AUH: variants seen among roughly 807,000 people sequenced by gnomAD.
AUH encodes the protein methylglutaconyl-CoA hydratase, mitochondrial.
A neutral mutation model predicts 42.3 loss-of-function variants in AUH; 29 were observed. The ratio of observed to expected loss-of-function variants is 0.69; its 90% CI spans 0.51 to 0.93. The LOEUF is 0.93. AUH is among the 40% of genes least tolerant of loss of function. The pLI, the probability that AUH is intolerant of heterozygous loss-of-function variation, is 0.00. For missense variants in AUH, 452 were observed against 438.1 expected, an observed-to-expected ratio of 1.03 and a Z score of -0.28; for synonymous variants, 174 against 166.4, an observed-to-expected ratio of 1.05 and a Z score of -0.35.
intron 3 of AUH, among the ~76,000 whole-genome samples, chr9:91,341,141 T>G (rs1831070109): frequency 6.6e-6 from 1 of 152,178 alleles, no homozygotes. Context: ...TAGAGCTGAA[T>G]TCCACTCCCC....
At chr9:91,271,942 A>G (rs1825167779) in intron 6 of AUH, among the ~76,000 whole-genome samples, 1 of 152,214 alleles carries the variant, frequency 6.6e-6, no homozygotes, top group African/African-American at 2.4e-5. Context: ...TCGGCCTCCC[A>G]AAGTGCTGGG....
At chr9:91,355,431 C>A (rs147502264) in intron 3 of AUH, among the ~76,000 whole-genome samples, 1 of 152,206 alleles carries the variant, frequency 6.6e-6, no homozygotes, top group Non-Finnish European at 1.5e-5. Context: ...GTGGCAGGCG[C>A]CTGTAATCCC....
At chr9:91,228,024 T>G (rs1827623536) in intron 6 of AUH, among the ~76,000 whole-genome samples, 1 of 152,344 alleles carries the variant, frequency 6.6e-6, no homozygotes, top group South Asian at 2.1e-4. Flanking sequence ...CTTTTTTGGT[T>G]GTGTGTCTGC....
At chr9:91,227,662 CCATT>C (rs1827592476) in intron 6 of AUH, among the ~76,000 whole-genome samples, 1 of 142,270 alleles carries the variant, frequency 7.0e-6, no homozygotes, top group Non-Finnish European at 1.5e-5. Context: ...CAGTTTTTGC[CCATT>C]CAGTATGATA....
intron 6 of AUH, among the ~76,000 whole-genome samples, chr9:91,274,722 AGAT>A (rs1564055517): frequency 6.6e-6 from 1 of 152,232 alleles, no homozygotes; most frequent in Non-Finnish European, 1.5e-5. Flanking sequence ...AGTGAACTTC[AGAT>A]AAGGAAGATA....
At chr9:91,326,282 T>A (rs1389579501) in intron 3 of AUH, among the ~76,000 whole-genome samples, 2 of 152,092 alleles carry the variant, frequency 1.3e-5, no homozygotes, top group African/African-American at 4.8e-5. Context: ...CTCACACACT[T>A]CCAGGGGAGT....
chr9:91,259,202 C>G (rs1452958665), intron 6 of AUH, among the ~76,000 whole-genome samples: 1 of 152,168 alleles, frequency 6.6e-6, no homozygotes, highest in African/African-American at 2.4e-5. Flanking sequence ...TAAAAAAGTA[C>G]AGAAGTATTC....
chr9:91,217,012 G>A (rs1377224973), intron 8 of AUH, among the ~76,000 whole-genome samples: 1 of 152,180 alleles, frequency 6.6e-6, no homozygotes, highest in African/African-American at 2.4e-5. Context: ...CTGTTAACTG[G>A]ATGGCAAGAA....
chr9:91,252,180 T>C (rs1038166707), intron 6 of AUH, among the ~76,000 whole-genome samples: 5 of 152,064 alleles, frequency 3.3e-5, no homozygotes, highest in African/African-American at 1.2e-4. Context: ...TTGGCCAGGA[T>C]GGTCTAGATC....
At chr9:91,313,026 G>A (rs1828826752) in intron 4 of AUH, among the ~76,000 whole-genome samples, 1 of 151,902 alleles carries the variant, frequency 6.6e-6, no homozygotes, top group Non-Finnish European at 1.5e-5. Flanking sequence ...AACAGGACAA[G>A]AGGAAAAAAA....
At chr9:91,302,428 A>G (rs1827862781) in intron 4 of AUH, among the ~76,000 whole-genome samples, 1 of 152,122 alleles carries the variant, frequency 6.6e-6, no homozygotes, top group Non-Finnish European at 1.5e-5. Context: ...CATCTCTACT[A>G]AAAATACAAA....
At chr9:91,344,031 G>A (rs935836657) in intron 3 of AUH, among the ~76,000 whole-genome samples, 30 of 152,148 alleles carry the variant, frequency 2.0e-4, no homozygotes, top group African/African-American at 7.0e-4. Flanking sequence ...AGTGGGAGTA[G>A]GACATTCTTC....
intron 3 of AUH, among the ~76,000 whole-genome samples, chr9:91,353,021 A>G (rs1321028131): frequency 6.6e-6 from 1 of 152,188 alleles, no homozygotes; most frequent in Non-Finnish European, 1.5e-5. Context: ...AAGAGGGAAA[A>G]TGATGACTTT....
At position 91,280,108 on chromosome 9, in the gene AUH, G is replaced by T. The variant is rs377242680; in HGVS notation, c.655+15913C>A. Reference sequence around the variant, plus strand: ...GTTCAAAAAAGCAGTCACCAAACTGGAAGGTTTGTAAAAAGTGAATTCAGT... The same window carrying T: ...GTTCAAAAAAGCAGTCACCAAACTGTAAGGTTTGTAAAAAGTGAATTCAGT... On this transcript the variant is annotated intron_variant, in intron 6 of 9. Coordinates refer to ENST00000375731, the MANE Select transcript of AUH (RefSeq NM_001698.3). 4.6e-5 allele frequency among the ~76,000 whole-genome samples: 7 copies of T among 152,250 alleles called. No individual in the cohort carries two copies. The East Asian group carries it at 1.4e-3, about 29-fold the overall frequency.
At position 91,262,667 on chromosome 9, in the gene AUH, C is replaced by T. The variant is rs562907537; in HGVS notation, c.655+33354G>A. Among the ~76,000 whole-genome samples the T allele has an allele frequency of 1.0e-4, 15 of 149,292 alleles. 1 individual carries two copies. The South Asian group carries it at 2.0e-3, about 20-fold the overall frequency. On this transcript the variant is annotated intron_variant, in intron 6 of 9. Coordinates refer to ENST00000375731, the MANE Select transcript of AUH (RefSeq NM_001698.3). ...CACTGACACATCCATTACGGTAACACTAAAGATTAGAAAACGAAGTCCCAC... is the reference window on the plus strand; with the variant it reads ...CACTGACACATCCATTACGGTAACATTAAAGATTAGAAAACGAAGTCCCAC...
rs1826813091 is a variant in AUH, at chr9:91,216,221, G to A, written c.895-115C>T. The stretch of plus-strand genomic sequence containing the variant: ...CCAAAGCACCCAATCCTTTGATATA[G>A]TACAGCAGATCAGAGTGTGACCAAC... On this transcript the variant is annotated intron_variant, in intron 8 of 9. Coordinates refer to ENST00000375731, the MANE Select transcript of AUH (RefSeq NM_001698.3). 8 of 1,033,728 alleles carry A rather than the reference G, an allele frequency of 7.7e-6. No individual in the cohort carries two copies. The East Asian group carries it at 2.0e-4, about 26-fold the overall frequency. 64.0% of individuals were successfully genotyped at this position (1,033,728 alleles called of 1,614,324 possible). A position where few individuals can be genotyped will look rare whatever the true frequency, so the allele number is the denominator to read the frequency against.
At chr9:91,237,390 T>G (rs1010281430) in intron 6 of AUH, among the ~76,000 whole-genome samples, 5 of 152,208 alleles carry the variant, frequency 3.3e-5, no homozygotes, top group African/African-American at 1.2e-4. Flanking sequence ...ACTCACTGTC[T>G]GAAGCCACAG....
chr9:91,223,183 T>C lies in AUH; in HGVS notation c.656-2191A>G, dbSNP rs147364312. ...AGAAGAGAGCTAACTTTCTGACCCA[T>C]TGAAAACAATGCATCACAGGAACCA... On this transcript the variant is annotated intron_variant, in intron 6 of 9. Coordinates refer to ENST00000375731, the MANE Select transcript of AUH (RefSeq NM_001698.3). Among the ~76,000 whole-genome samples, 41 of 152,296 alleles carry C rather than the reference T, an allele frequency of 2.7e-4. 1 individual carries two copies. The East Asian group carries it at 7.3e-3, about 27-fold the overall frequency.
In AUH at chr9:91,296,037, C is replaced by T. The variant is rs770456394; in HGVS notation, c.639G>A (p.Ala213=). The T allele has an allele frequency of 1.2e-5, 19 of 1,613,956 alleles. No individual in the cohort carries two copies. The East Asian group carries it at 3.6e-4, about 30-fold the overall frequency. The part of the protein sequence containing the change: ...AKMGLVETKL[A]IIPGGGGTQR... ...TACTCATACCTCCACCAGGAATAAT[C>T]GCCAATTTTGTTTCAACCAGGCCCA... Residue 213 remains alanine (A), a synonymous_variant, in exon 6 of 10, where the codon GCG becomes GCA. Coordinates refer to ENST00000375731, the MANE Select transcript of AUH (RefSeq NM_001698.3).
Sources: allele counts gnomAD v4.1 joint callset (sites outside exome capture counted in the v4.1 genomes callset), GRCh38; gene constraint gnomAD v4.1.1; transcripts MANE v1.5; gene names NCBI Gene and HGNC (gene_info 2026-07-23, HGNC 2026-07-21).